SERPINB10: variants seen among roughly 807,000 people sequenced by gnomAD.
SERPINB10 encodes the protein serpin B10.
Under a neutral mutation model 39.1 loss-of-function variants are expected in SERPINB10, and 35 were observed. The ratio of observed to expected loss-of-function variants is 0.90; its 90% CI spans 0.68 to 1.19. The LOEUF (loss-of-function observed/expected upper bound fraction) is 1.19. SERPINB10 is among the 50% of genes most tolerant of loss of function. The pLI is 0.00. For missense variants in SERPINB10, 546 were observed against 460.5 expected (o/e 1.19, Z -1.70); for synonymous variants, 190 against 158.1 (o/e 1.20, Z -1.52).
At chr18:63,916,945 T>C (rs772715274) in intron 2 of SERPINB10, among the ~76,000 whole-genome samples, 3 of 152,050 alleles carry the variant, frequency 2.0e-5, no homozygotes, top group Non-Finnish European at 2.9e-5. Context: ...AGTATCTACA[T>C]CTTTCCTGTT....
In SERPINB10 at chr18:63,915,542, T is replaced by A; in HGVS notation, c.32T>A (p.Phe11Tyr). The change falls in exon 2 of 8, where the codon TTT (phenylalanine) becomes TAT (tyrosine). Residue 11 changes from phenylalanine to tyrosine, a missense_variant. Physicochemically the swap from Phe to Tyr is conservative, Grantham distance 22. Coordinates refer to ENST00000238508, the MANE Select transcript of SERPINB10 (RefSeq NM_005024.3). ...TCTCTAGCAACATCAATCAACCAGT[T>A]TGCCCTGGAGTTGAGCAAAAAGCTA... The part of the protein sequence containing the change: MDSLATSINQ[F>Y]ALELSKKLAE... 1 of 1,612,350 alleles carries A rather than the reference T, an allele frequency of 6.2e-7. No individual in the cohort carries two copies. Among genetic ancestry groups the A allele is most frequent in the Non-Finnish European group, 8.5e-7 (1 of 1,178,930 alleles).
intron 5 of SERPINB10, 55 bp from the exon 6 acceptor site, chr18:63,929,990 G>A (rs748262802): frequency 1.9e-5 from 30 of 1,567,804 alleles, no homozygotes; most frequent in Middle Eastern, 1.7e-4. Context: ...GTTGTCTTTA[G>A]TTAAAATATA....
chr18:63,929,230 T>C (rs891851984), intron 5 of SERPINB10, among the ~76,000 whole-genome samples: 1 of 152,178 alleles, frequency 6.6e-6, no homozygotes. Flanking sequence ...CCAGTAAATT[T>C]TGAAGGAAAA....
chr18:63,917,883 T>A, intron 3 of SERPINB10, 82 bp from the exon 4 acceptor site: 3 of 1,302,242 alleles, frequency 2.3e-6, no homozygotes, highest in Non-Finnish European at 3.2e-6. Flanking sequence ...ATTCCCCAAA[T>A]AATTTTATTT....
chr18:63,909,405 A>G (rs2050048111), intron 1 of SERPINB10, among the ~76,000 whole-genome samples: 1 of 152,066 alleles, frequency 6.6e-6, no homozygotes, highest in Non-Finnish European at 1.5e-5. Context: ...TGTTGGGTTA[A>G]ATATCACTAA....
At chr18:63,911,715 C>T (rs2050065941) in intron 1 of SERPINB10, among the ~76,000 whole-genome samples, 1 of 151,986 alleles carries the variant, frequency 6.6e-6, no homozygotes, top group African/African-American at 2.4e-5. Context: ...TAAAGTGATG[C>T]TTCCAGGTTT....
intron 5 of SERPINB10, among the ~76,000 whole-genome samples, chr18:63,924,428 A>G (rs1371201794): frequency 2.6e-5 from 4 of 152,024 alleles, no homozygotes; most frequent in African/African-American, 7.2e-5. Flanking sequence ...TAGAAAGTCA[A>G]TAAACACAAT....
At chr18:63,925,111 C>T (rs746318837) in intron 5 of SERPINB10, among the ~76,000 whole-genome samples, 2 of 151,706 alleles carry the variant, frequency 1.3e-5, no homozygotes, top group Non-Finnish European at 2.9e-5. Flanking sequence ...ATCATGAGAG[C>T]CAGGAAAGAA....
At chr18:63,922,988 A>G (rs1238203132) in intron 5 of SERPINB10, among the ~76,000 whole-genome samples, 1 of 151,976 alleles carries the variant, frequency 6.6e-6, no homozygotes, top group East Asian at 1.9e-4. Context: ...CTTTTACTTT[A>G]TGGAAGAAAG....
chr18:63,916,307 T>C (rs1350876587), intron 2 of SERPINB10, among the ~76,000 whole-genome samples: 12 of 150,682 alleles, frequency 8.0e-5, no homozygotes, highest in African/African-American at 2.4e-4. Flanking sequence ...TGAATACATA[T>C]ATATATGCAA....
chr18:63,923,570 G>A (rs2050160706), intron 5 of SERPINB10, among the ~76,000 whole-genome samples: 1 of 151,712 alleles, frequency 6.6e-6, no homozygotes, highest in Admixed American at 6.6e-5. Context: ...TTCTTTTTTG[G>A]TGTTCTGAGG....
At chr18:63,919,975 C>A (rs2050135316) in intron 5 of SERPINB10, 70 bp downstream of exon 5, 3 of 909,724 alleles carry the variant, frequency 3.3e-6, no homozygotes, top group Non-Finnish European at 5.2e-6. Flanking sequence ...TAGTTTGTGT[C>A]ATATGTAAGT....
intron 3 of SERPINB10, 114 bp downstream of exon 3, chr18:63,917,635 T>C (rs963129838): frequency 3.1e-5 from 19 of 611,724 alleles, no homozygotes; most frequent in African/African-American, 3.1e-4. Flanking sequence ...TAGAAACATA[T>C]ATTAAAGTTA....
In SERPINB10 at chr18:63,921,857, C is replaced by T. The variant is rs575590005; in HGVS notation, c.490+1952C>T. ...ACATGTCATAGAATGTCCCGAACTC[C>T]CTGTGCTACTTAATGGCCCTGTACT... On this transcript the variant is annotated intron_variant, in intron 5 of 7. Coordinates refer to ENST00000238508, the MANE Select transcript of SERPINB10 (RefSeq NM_005024.3). 1.2e-4 allele frequency among the ~76,000 whole-genome samples: 18 copies of T among 151,972 alleles called. No homozygotes were observed. The East Asian group carries it at 3.3e-3, about 28-fold the overall frequency.
chr18:63,909,567 G>A (rs2144715348), intron 1 of SERPINB10, among the ~76,000 whole-genome samples: 1 of 152,060 alleles, frequency 6.6e-6, no homozygotes, highest in East Asian at 1.9e-4. Flanking sequence ...GCTTACATGA[G>A]AAATTAGCTT....
intron 5 of SERPINB10, among the ~76,000 whole-genome samples, chr18:63,928,460 C>A (rs2050195573): frequency 6.6e-6 from 1 of 152,050 alleles, no homozygotes. Context: ...CTATAACAAT[C>A]TGATAGAAGC....
At chr18:63,934,729 G>A (rs761645314) in intron 7 of SERPINB10, 109 bp from the exon 8 acceptor site, 71 of 1,101,270 alleles carry the variant, frequency 6.4e-5, no homozygotes, top group Non-Finnish European at 8.1e-5. Context: ...CCTGAGTAAC[G>A]GGAGTGATCA....
intron 5 of SERPINB10, among the ~76,000 whole-genome samples, chr18:63,925,211 T>C (rs959418825): frequency 6.6e-6 from 1 of 151,988 alleles, no homozygotes; most frequent in African/African-American, 2.4e-5. Context: ...TAGTCTTCAA[T>C]ATATATGCAG....
intron 5 of SERPINB10, among the ~76,000 whole-genome samples, chr18:63,926,379 G>A (rs2050181907): frequency 6.6e-6 from 1 of 151,980 alleles, no homozygotes; most frequent in East Asian, 1.9e-4. Flanking sequence ...ATTGGATTGG[G>A]TCTCATCTTA....
Sources: gnomAD v4.1 joint callset for allele counts (sites outside exome capture counted in the v4.1 genomes callset) on GRCh38, gnomAD v4.1.1 for gene constraint, MANE v1.5 for transcripts, NCBI Gene and HGNC (gene_info 2026-07-23, HGNC 2026-07-21) for gene names.